The following MTF2 variants were observed in gnomAD, a reference collection of about 807,000 sequenced individuals.
MTF2 encodes the protein metal response element binding transcription factor 2, also known as metal-response element-binding transcription factor 2.
Under a neutral mutation model 79.5 loss-of-function variants are expected in MTF2, and 11 were observed. The observed-to-expected ratio is 0.14, with a 90% confidence interval of 0.09 to 0.23. The LOEUF is 0.23. MTF2 is among the 10% of genes least tolerant of loss of function. MTF2 has a pLI of 1.00. For missense variants in MTF2, 486 were observed against 711.2 expected (o/e 0.68, Z 3.60); for synonymous variants, 208 against 232.8 (o/e 0.89, Z 0.97).
chr1:93,087,205 TAAC>T (rs1654881795), intron 1 of MTF2, among the ~76,000 whole-genome samples: 2 of 152,292 alleles, frequency 1.3e-5, no homozygotes, highest in Non-Finnish European at 2.9e-5. Flanking sequence ...TGAGGACACT[TAAC>T]AACCAAGTTG....
chr1:93,109,115 G>A, intron 1 of MTF2, among the ~76,000 whole-genome samples: 1 of 151,882 alleles, frequency 6.6e-6, no homozygotes, highest in East Asian at 1.9e-4. Flanking sequence ...GCTGTTTTTA[G>A]AATTATTATC....
chr1:93,137,404 G>T lies in MTF2; in HGVS notation c.*377G>T. 1 of 162,196 alleles carries T rather than the reference G, an allele frequency of 6.2e-6. No individual in the cohort carries two copies. Among genetic ancestry groups the T allele is most frequent in the Non-Finnish European group, 1.4e-5 (1 of 74,036 alleles). 10.0% of individuals were successfully genotyped at this position (162,196 alleles called of 1,614,324 possible). A position where few individuals can be genotyped will look rare whatever the true frequency, so the allele number is the denominator to read the frequency against. ...ATCATGTAGATAGCACAAGTATTTG[G>T]AGAAACGTTGTTTGTTTTGTTACCA... On this transcript the variant is annotated 3_prime_UTR_variant, in exon 15 of 15. Transcript: ENST00000370298.
chr1:93,109,536 T>C (rs1164890259), intron 1 of MTF2, among the ~76,000 whole-genome samples: 1 of 152,148 alleles, frequency 6.6e-6, no homozygotes, highest in African/African-American at 2.4e-5. Flanking sequence ...GGTTTCACCA[T>C]GTTGGCCAGG....
chr1:93,136,787 A>G lies in MTF2; in HGVS notation c.1542A>G (p.Glu514=). The G allele has an allele frequency of 6.2e-7, 1 of 1,614,196 alleles. No individual in the cohort carries two copies. The highest frequency in any genetic ancestry group is 8.5e-7 in the Non-Finnish European group (1 of 1,180,018). ...GAGCACTCCAGACTCAGAACTCAGA[A>G]ATTGTAAAAGATGATGAAGGCAAAG... The part of the protein sequence containing the change: ...PRRALQTQNS[E]IVKDDEGKED... The change falls in exon 15 of 15, where the codon GAA becomes GAG. Residue 514 remains glutamate (E), a synonymous_variant. Coordinates refer to ENST00000370298, the MANE Select transcript of MTF2 (RefSeq NM_007358.4).
chr1:93,115,580 T>C lies in MTF2; in HGVS notation c.594T>C (p.Asn198=). Residue 198 remains asparagine, a synonymous_variant, in exon 6 of 15, where the codon AAT becomes AAC. Coordinates refer to ENST00000370298, the MANE Select transcript of MTF2 (RefSeq NM_007358.4). ...DLEWDAGHKT[N]VQQCYCYCGG... is the part of the protein sequence containing the mutation. ...AATGGGATGCAGGTCATAAAACCAATGTCCAGCAGTGTTACTGCTATTGTG... is the reference window on the plus strand; with the variant it reads ...AATGGGATGCAGGTCATAAAACCAACGTCCAGCAGTGTTACTGCTATTGTG... The C allele has an allele frequency of 1.9e-6, 3 of 1,610,690 alleles. No homozygotes were observed. The highest frequency in any genetic ancestry group is 2.5e-6 in the Non-Finnish European group (3 of 1,178,470).
chr1:93,109,429 G>A (rs145090161), intron 1 of MTF2, among the ~76,000 whole-genome samples: 2,746 of 152,126 alleles, frequency 0.018, 39 homozygotes, highest in Middle Eastern at 0.027. Flanking sequence ...CGCCTCCTGG[G>A]TTCAAATGAT....
chr1:93,121,672 T>C (rs1656486050), intron 9 of MTF2: 2 of 963,490 alleles, frequency 2.1e-6, no homozygotes, highest in African/African-American at 3.5e-5. Context: ...AATTTTTGAA[T>C]TCATCATTTG....
At chr1:93,106,869 T>C (rs2101051665) in intron 1 of MTF2, among the ~76,000 whole-genome samples, 1 of 152,358 alleles carries the variant, frequency 6.6e-6, no homozygotes, top group Non-Finnish European at 1.5e-5. Flanking sequence ...ATTCCCATAC[T>C]GTGAAGCCGT....
intron 1 of MTF2, among the ~76,000 whole-genome samples, chr1:93,089,950 T>A (rs897154083): frequency 6.6e-6 from 1 of 151,808 alleles, no homozygotes; most frequent in South Asian, 2.1e-4. Flanking sequence ...GTAGCTGGGA[T>A]CTCAGGTGTG....
chr1:93,129,487 T>C, intron 11 of MTF2, 39 bp downstream of exon 11: 1 of 1,412,914 alleles, frequency 7.1e-7, no homozygotes, highest in Non-Finnish European at 9.5e-7. Flanking sequence ...CTCTTTAGCT[T>C]ATTTGTAACT....
chr1:93,103,152 T>C (rs1292594762), intron 1 of MTF2, among the ~76,000 whole-genome samples: 3 of 151,842 alleles, frequency 2.0e-5, no homozygotes, highest in Non-Finnish European at 4.4e-5. Context: ...GAAATTATAA[T>C]TGAAACTGGG....
intron 1 of MTF2, among the ~76,000 whole-genome samples, chr1:93,100,357 T>A (rs1241232921): frequency 6.6e-6 from 1 of 152,158 alleles, no homozygotes; most frequent in African/African-American, 2.4e-5. Context: ...CAGGCTGGAG[T>A]GCAGTGGCAT....
chr1:93,099,037 G>C (rs948645439), intron 1 of MTF2, among the ~76,000 whole-genome samples: 1 of 152,174 alleles, frequency 6.6e-6, no homozygotes. Flanking sequence ...CCTATACCCA[G>C]TTGTCCAGCC....
intron 11 of MTF2, among the ~76,000 whole-genome samples, chr1:93,131,799 A>T (rs1656927775): frequency 6.6e-6 from 1 of 152,136 alleles, no homozygotes; most frequent in Non-Finnish European, 1.5e-5. Context: ...AAGAGAAGGG[A>T]TGTAGAGCCT....
intron 6 of MTF2, 102 bp downstream of exon 6, chr1:93,115,720 AAC>A: frequency 1.1e-6 from 1 of 894,462 alleles, no homozygotes; most frequent in Admixed American, 3.3e-5. Context: ...CAACTGCATG[AAC>A]ACATCAGTGA....
chr1:93,125,715 G>C (rs1400318066), intron 9 of MTF2, among the ~76,000 whole-genome samples: 1 of 151,910 alleles, frequency 6.6e-6, no homozygotes, highest in African/African-American at 2.4e-5. Flanking sequence ...GGGGAGGGGG[G>C]ACCAGGAAGA....
intron 1 of MTF2, among the ~76,000 whole-genome samples, chr1:93,104,790 A>T (rs1655696568): frequency 6.6e-6 from 1 of 152,144 alleles, no homozygotes; most frequent in South Asian, 2.1e-4. Context: ...AACTATATAA[A>T]TTCTGCATAA....
chr1:93,118,280 TA>T (rs536421920), intron 6 of MTF2, 64 bp from the exon 7 acceptor site: 164 of 800,898 alleles, frequency 2.0e-4, no homozygotes, highest in Middle Eastern at 3.5e-4. Context: ...TTTTTTTTTT[TA>T]AAGAAATGAA....
At chr1:93,090,665 T>G (rs1433707693) in intron 1 of MTF2, among the ~76,000 whole-genome samples, 2 of 110,296 alleles carry the variant, frequency 1.8e-5, no homozygotes, top group East Asian at 2.0e-4. Flanking sequence ...TTTTTCCTAG[T>G]TTTTTTTTTT....
Sources: allele counts gnomAD v4.1 joint callset (sites outside exome capture counted in the v4.1 genomes callset), GRCh38; gene constraint gnomAD v4.1.1; transcripts MANE v1.5; gene names NCBI Gene and HGNC (gene_info 2026-07-23, HGNC 2026-07-21).